The following ANKRD44 variants were observed in gnomAD, a reference collection of about 807,000 sequenced individuals.
ANKRD44 encodes the protein ankyrin repeat domain 44.
ANKRD44 carries 35 observed loss-of-function variants against 116.0 expected under a neutral mutation model. That is an observed-to-expected ratio of 0.30 (90% CI 0.23 to 0.40). The LOEUF (loss-of-function observed/expected upper bound fraction) is 0.40. Among genes scored for constraint, ANKRD44 ranks in the 10% least tolerant of loss-of-function variants. The pLI is 1.00. For synonymous variants in ANKRD44, 435 were observed against 461.8 expected (o/e 0.94, Z 0.74); for missense variants, 1,014 against 1,242.6 (o/e 0.82, Z 2.77).
In ANKRD44 at chr2:197,223,518, C is replaced by T. The variant is rs777504820; in HGVS notation, c.28-36412G>A. 5.3e-5 allele frequency among the ~76,000 whole-genome samples: 8 copies of T among 152,318 alleles called. No individual in the cohort carries two copies. The South Asian group carries it at 6.2e-4, about 12-fold the overall frequency. The stretch of plus-strand genomic sequence containing the variant: ...CACCCTCATATAGTATTCCATTGCA[C>T]GCAAAATACTACAAGTTATTTCTCC... On this transcript the variant is annotated intron_variant, in intron 1 of 27. Transcript: ENST00000282272.
intron 16 of ANKRD44, among the ~76,000 whole-genome samples, chr2:197,062,929 GC>G (rs200872731): frequency 0.04 from 6,122 of 152,322 alleles, 160 homozygotes; most frequent in Middle Eastern, 0.082. Context: ...AGAAACCTCT[GC>G]AGACTTAAAT....
intron 2 of ANKRD44, among the ~76,000 whole-genome samples, chr2:197,150,364 C>T (rs939370768): frequency 4.6e-5 from 7 of 152,112 alleles, no homozygotes; most frequent in Admixed American, 1.3e-4. Flanking sequence ...CTGGCTAACA[C>T]GGTGAAACCC....
intron 3 of ANKRD44, among the ~76,000 whole-genome samples, chr2:197,137,247 G>T (rs2079241025): frequency 6.6e-6 from 1 of 152,332 alleles, no homozygotes; most frequent in Middle Eastern, 3.4e-3. Flanking sequence ...TTATAAAAGG[G>T]CTACGAAAGG....
intron 1 of ANKRD44, among the ~76,000 whole-genome samples, chr2:197,248,955 A>C (rs2125823357): frequency 6.6e-6 from 1 of 152,302 alleles, no homozygotes; most frequent in South Asian, 2.1e-4. Flanking sequence ...AAAGTGTGGT[A>C]TACAGCTGAT....
chr2:197,140,324 T>C (rs2697260), intron 3 of ANKRD44, among the ~76,000 whole-genome samples: 97,100 of 151,732 alleles, frequency 0.64, 34,312 homozygotes, highest in East Asian at 0.95. Context: ...TTAAAATATA[T>C]TGTTTAAATT....
At chr2:197,092,659 A>G (rs929708204) in intron 10 of ANKRD44, among the ~76,000 whole-genome samples, 4 of 152,230 alleles carry the variant, frequency 2.6e-5, no homozygotes, top group Non-Finnish European at 4.4e-5. Flanking sequence ...CTCATCTTCC[A>G]GGCAGCATCA....
chr2:197,103,541 G>A (rs2078352772), intron 9 of ANKRD44, among the ~76,000 whole-genome samples: 1 of 152,174 alleles, frequency 6.6e-6, no homozygotes, highest in South Asian at 2.1e-4. Context: ...CAAATGGGGA[G>A]TGATGACTAA....
At chr2:197,052,789 T>C (rs1356038653) in intron 16 of ANKRD44, among the ~76,000 whole-genome samples, 1 of 152,200 alleles carries the variant, frequency 6.6e-6, no homozygotes, top group Non-Finnish European at 1.5e-5. Context: ...AAGTTTAAAT[T>C]AAATTGATGC....
rs775653359 is a variant in ANKRD44, at chr2:197,088,875, T to C, written c.1184-101A>G. 3.8e-6 allele frequency: 5 copies of C among 1,326,836 alleles called. No homozygotes were observed. The South Asian group carries it at 4.6e-5, about 12-fold the overall frequency. 82.2% of individuals were successfully genotyped at this position (1,326,836 alleles called of 1,614,324 possible). On this transcript the variant is annotated intron_variant, in intron 11 of 27. Transcript: ENST00000282272. Reference sequence around the variant, plus strand: ...TTGCAGAGACAGAAAAATCAGTTAGTAGAAAAACCAGAATGCAAGCAATTG... The same window carrying C: ...TTGCAGAGACAGAAAAATCAGTTAGCAGAAAAACCAGAATGCAAGCAATTG...
rs144300727 is a variant in ANKRD44, at chr2:196,975,858, A to G, written c.2369-8412T>C. Reference sequence around the variant, plus strand: ...GAAAGAAAGAAGGAAAGAAGGAAAGAAAGAAAAGAGAAAGAAAGACACATC... The same window carrying G: ...GAAAGAAAGAAGGAAAGAAGGAAAGGAAGAAAAGAGAAAGAAAGACACATC... On this transcript the variant is annotated intron_variant, in intron 21 of 21. Transcript: ENST00000424317. Among the ~76,000 whole-genome samples, 536 of 151,328 alleles carry G rather than the reference A, an allele frequency of 3.5e-3. 4 individuals carry two copies. Among genetic ancestry groups the G allele is most frequent in the African/African-American group, 0.012 (516 of 41,366 alleles).
chr2:197,031,383 G>A (rs1423559047), intron 16 of ANKRD44, among the ~76,000 whole-genome samples: 1 of 152,114 alleles, frequency 6.6e-6, no homozygotes, highest in Non-Finnish European at 1.5e-5. Context: ...ACATTACCTA[G>A]GCTGGAGTGC....
At chr2:197,045,582 A>C (rs1189481960) in intron 16 of ANKRD44, among the ~76,000 whole-genome samples, 1 of 152,236 alleles carries the variant, frequency 6.6e-6, no homozygotes, top group Non-Finnish European at 1.5e-5. Context: ...AGAAAGCAAG[A>C]GAGTCTGAAA....
At chr2:197,308,623 G>A (rs2084147160) in intron 1 of ANKRD44, among the ~76,000 whole-genome samples, 1 of 152,094 alleles carries the variant, frequency 6.6e-6, no homozygotes, top group Admixed American at 6.5e-5. Context: ...AATAAACGTT[G>A]TGTGACTCTT....
chr2:196,977,445 C>T (rs190697184), intron 21 of ANKRD44, among the ~76,000 whole-genome samples: 169 of 152,294 alleles, frequency 1.1e-3, no homozygotes, highest in African/African-American at 3.6e-3. Context: ...TTTGCAAATC[C>T]TGTATCTGAT....
chr2:197,207,841 A>G (rs1400354775), intron 1 of ANKRD44, among the ~76,000 whole-genome samples: 2 of 152,232 alleles, frequency 1.3e-5, no homozygotes, highest in East Asian at 3.9e-4. Context: ...GAAATGAGGA[A>G]GACACATACG....
intron 1 of ANKRD44, among the ~76,000 whole-genome samples, chr2:197,276,646 C>G (rs1479557328): frequency 6.6e-6 from 1 of 151,970 alleles, no homozygotes; most frequent in African/African-American, 2.4e-5. Context: ...TGTTGTTTCT[C>G]CTTTATATTA....
intron 1 of ANKRD44, among the ~76,000 whole-genome samples, chr2:197,197,321 A>G (rs969775131): frequency 5.9e-5 from 9 of 152,336 alleles, no homozygotes; most frequent in East Asian, 3.9e-4. Context: ...AATTCTGCAA[A>G]AAAAAAGAAG....
At chr2:197,048,678 G>T (rs2077049823) in intron 16 of ANKRD44, among the ~76,000 whole-genome samples, 1 of 152,188 alleles carries the variant, frequency 6.6e-6, no homozygotes, top group African/African-American at 2.4e-5. Context: ...ATGACAGCAT[G>T]ATTTATAATC....
In ANKRD44 at chr2:197,093,400, C is replaced by T. The variant is rs939274589; in HGVS notation, c.1101-3368G>A. ...TCTTTGTATAATTCATCAAACTCTACATTCGCTGATTTTTTTTCACTGCTC... is the reference window on the plus strand; with the variant it reads ...TCTTTGTATAATTCATCAAACTCTATATTCGCTGATTTTTTTTCACTGCTC... On this transcript the variant is annotated intron_variant, in intron 10 of 27. Transcript: ENST00000282272. Among the ~76,000 whole-genome samples the T allele has an allele frequency of 5.3e-5, 8 of 152,164 alleles. No individual in the cohort carries two copies. In the South Asian group the frequency reaches 1.7e-3, roughly 31 times the overall value.
Sources: allele counts gnomAD v4.1 joint callset (sites outside exome capture counted in the v4.1 genomes callset), GRCh38; gene constraint gnomAD v4.1.1; transcripts MANE v1.5; gene names NCBI Gene and HGNC (gene_info 2026-07-23, HGNC 2026-07-21).